MTTP: variants seen among roughly 807,000 people sequenced by gnomAD.
MTTP encodes microsomal triglyceride transfer protein large subunit.
A neutral mutation model predicts 90.6 loss-of-function variants in MTTP; 49 were observed. The observed-to-expected ratio is 0.54, with a 90% CI of 0.43 to 0.69. The LOEUF is 0.69. MTTP is among the 30% of genes least tolerant of loss of function. The pLI, the probability that MTTP is intolerant of heterozygous loss-of-function variation, is 0.00. For synonymous variants in MTTP, 347 were observed against 384.2 expected (o/e 0.90, Z 1.13); for missense variants, 945 against 1,067.5 (o/e 0.89, Z 1.60).
Position 99,587,066 on chromosome 4 carries a change from C to T in MTTP, c.394-2577C>T, listed in dbSNP as rs147530871. 8.8e-3 allele frequency among the ~76,000 whole-genome samples: 1,337 copies of T among 152,278 alleles called. 7 individuals carry two copies. The highest frequency in any genetic ancestry group is 0.014 in the Non-Finnish European group (932 of 68,018). On this transcript the variant is annotated intron_variant, in intron 3 of 17. Coordinates refer to ENST00000265517, the MANE Select transcript of MTTP (RefSeq NM_001386140.1). Reference sequence around the variant, plus strand: ...ACTTTATGGCCTGAGTATAATAAAACTTACTCAGTTCCTGTTGTGAAATAA... The same window carrying T: ...ACTTTATGGCCTGAGTATAATAAAATTTACTCAGTTCCTGTTGTGAAATAA...
intron 1 of MTTP, among the ~76,000 whole-genome samples, chr4:99,578,396 T>C (rs76006141): frequency 0.023 from 3,532 of 152,312 alleles, 108 homozygotes; most frequent in Middle Eastern, 0.1. Context: ...CATGCCCCAA[T>C]GCCCAGTGTT....
chr4:99,580,056 A>G (rs977390828), intron 1 of MTTP, among the ~76,000 whole-genome samples: 7 of 145,766 alleles, frequency 4.8e-5, no homozygotes, highest in Admixed American at 4.8e-4. Context: ...AAAAAAAAAA[A>G]GTAAAGAAAG....
At chr4:99,621,287 T>C in intron 17 of MTTP, 56 bp downstream of exon 17, 1 of 1,573,336 alleles carries the variant, frequency 6.4e-7, no homozygotes, top group Non-Finnish European at 8.7e-7. Context: ...ACCAGGAACT[T>C]GCATTCAGTT....
rs762420748 is a variant in MTTP at position 99,582,010 on chromosome 4, G to A, written c.167G>A (p.Gly56Asp). ...AAAGGAAAACTGCAAGACAGCGTGG[G>A]CTACCGCATTTCCTCCAACGTGGAT... ...RGKGKLQDSV[G>D]YRISSNVDVA... Residue 56 changes from glycine to aspartate, a missense_variant, in exon 2 of 18, where the codon GGC (glycine) becomes GAC (aspartate). Coordinates refer to ENST00000265517, the MANE Select transcript of MTTP (RefSeq NM_001386140.1). The A allele has an allele frequency of 6.2e-7, 1 of 1,614,188 alleles. No individual in the cohort carries two copies. Among genetic ancestry groups the A allele is most frequent in the Non-Finnish European group, 8.5e-7 (1 of 1,180,018 alleles).
chr4:99,611,640 C>G (rs958267538), intron 14 of MTTP, among the ~76,000 whole-genome samples, 187 bp downstream of exon 14: 1 of 152,094 alleles, frequency 6.6e-6, no homozygotes, highest in East Asian at 1.9e-4. Flanking sequence ...GAGAAAGTTT[C>G]GAATTTGAAC....
intron 1 of MTTP, among the ~76,000 whole-genome samples, chr4:99,566,297 GA>G (rs567380343): frequency 1.3e-3 from 157 of 117,536 alleles, no homozygotes; most frequent in Middle Eastern, 5.4e-3. Flanking sequence ...TCAAAAAAAA[GA>G]AAAAAAAAAA....
chr4:99,601,321 C>CTTTTT (rs34811849), intron 9 of MTTP, among the ~76,000 whole-genome samples: 9 of 128,184 alleles, frequency 7.0e-5, no homozygotes, highest in African/African-American at 1.2e-4. Flanking sequence ...CTCACCCCTC[C>CTTTTT]TTTTTTTTTT....
chr4:99,589,756 T>A lies in MTTP; in HGVS notation c.501+6T>A. On this transcript the variant is annotated splice_donor_region_variant and intron_variant, in intron 4 of 17. Coordinates refer to ENST00000265517, the MANE Select transcript of MTTP (RefSeq NM_001386140.1). ...GCTCTGGAACCACCAATGAGGTACT[T>A]ACCAATATTAATAAGGATTCAGCAT... The A allele has an allele frequency of 6.7e-7, 1 of 1,485,966 alleles. No homozygotes were observed. Among genetic ancestry groups the A allele is most frequent in the East Asian group, 2.3e-5 (1 of 44,006 alleles). The allele number at this position is 1,485,966 out of a possible 1,614,324, so 92.0% of individuals were successfully genotyped here. A position where few individuals can be genotyped will look rare whatever the true frequency, so the allele number is the denominator to read the frequency against.
At position 99,581,975 on chromosome 4, in the gene MTTP, T is replaced by G. The variant is rs1725128681; in HGVS notation, c.132T>G (p.Leu44=). The G allele has an allele frequency of 5.0e-6, 8 of 1,614,082 alleles. No individual in the cohort carries two copies. In the South Asian group the frequency reaches 7.7e-5, roughly 16 times the overall value. ...YKLTYSTEVL[L]DRGKGKLQDS... ...TCACGTACTCCACTGAAGTTCTTCT[T>G]GATCGGGGCAAAGGAAAACTGCAAG... is the stretch of plus-strand genomic sequence containing the variant. The change falls in exon 2 of 18, where the codon CTT becomes CTG. Residue 44 remains leucine, a synonymous_variant. Transcript: ENST00000265517.
At chr4:99,603,048 A>C (rs1233376074) in intron 10 of MTTP, among the ~76,000 whole-genome samples, 2 of 152,172 alleles carry the variant, frequency 1.3e-5, no homozygotes, top group East Asian at 1.9e-4. Flanking sequence ...CAATTTTTGC[A>C]CTTAATCTAG....
intron 10 of MTTP, among the ~76,000 whole-genome samples, chr4:99,603,139 A>G (rs187460880): frequency 3.8e-3 from 583 of 152,264 alleles, no homozygotes; most frequent in Non-Finnish European, 6.3e-3. Context: ...AAAAGGCCCA[A>G]AGTCAAAATA....
chr4:99,608,708 C>A, intron 11 of MTTP, 58 bp from the exon 12 acceptor site: 1 of 1,267,770 alleles, frequency 7.9e-7, no homozygotes, highest in Non-Finnish European at 1.2e-6. Context: ...GCTATTCCTG[C>A]TGAAATGTCC....
chr4:99,593,571 A>G (rs933141516), intron 6 of MTTP, among the ~76,000 whole-genome samples: 1 of 152,120 alleles, frequency 6.6e-6, no homozygotes, highest in African/African-American at 2.4e-5. Flanking sequence ...AGTTTCTGTT[A>G]TTTTCAGATT....
At chr4:99,564,186 CG>C in exon 1 of MTTP, 5 of 1,535,480 alleles carry the variant, frequency 3.3e-6, no homozygotes, top group Non-Finnish European at 4.4e-6. Flanking sequence ...TGTTTTTTCC[CG>C]TTCAAGAATT....
chr4:99,621,121 G>A lies in MTTP; in HGVS notation c.2403G>A (p.Leu801=). 6.2e-7 allele frequency: 1 copy of A among 1,614,074 alleles called. No individual in the cohort carries two copies. The highest frequency in any genetic ancestry group is 8.5e-7 in the Non-Finnish European group (1 of 1,179,964). Residue 801 remains leucine (L), a synonymous_variant, in exon 17 of 18, where the codon CTG becomes CTA. Transcript: ENST00000265517. ...TVDSSFVKAG[L]ETSTETEAGL... is the part of the protein sequence containing the mutation. ...ACTCCTCTTTTGTGAAAGCTGGCCT[G>A]GAAACCAGTACAGAAACAGAAGCAG...
Position 99,594,778 on chromosome 4 carries a change from G to A in MTTP, c.804G>A (p.Met268Ile), listed in dbSNP as rs1725511940. The change falls in exon 7 of 18, where the codon ATG (methionine) becomes ATA (isoleucine). Residue 268 changes from methionine (M) to isoleucine (I), a missense_variant. Coordinates refer to ENST00000265517, the MANE Select transcript of MTTP (RefSeq NM_001386140.1). The stretch of plus-strand genomic sequence containing the variant: ...CAACCGAAGCAGGCCCAAGATTGAT[G>A]TCTGGAAAGCAGGCTGCAGCCATAA... ...LKTTEAGPRL[M>I]SGKQAAAIIK... The A allele has an allele frequency of 6.2e-7, 1 of 1,613,920 alleles. No individual in the cohort carries two copies. Among genetic ancestry groups the A allele is most frequent in the South Asian group, 1.1e-5 (1 of 91,094 alleles).
intron 15 of MTTP, among the ~76,000 whole-genome samples, chr4:99,618,676 C>T (rs1342229046): frequency 6.6e-6 from 1 of 152,198 alleles, no homozygotes; most frequent in East Asian, 1.9e-4. Context: ...CACAGAAACA[C>T]ACTTTGAGAA....
intron 14 of MTTP, among the ~76,000 whole-genome samples, chr4:99,612,247 T>C (rs528904425): frequency 3.3e-5 from 5 of 152,288 alleles, no homozygotes; most frequent in Non-Finnish European, 5.9e-5. Context: ...TTTTCTGATA[T>C]GTACTTTGAA....
chr4:99,598,246 TAATTACAGCATGTTA>T (rs1218677068), intron 8 of MTTP, among the ~76,000 whole-genome samples: 6 of 152,214 alleles, frequency 3.9e-5, no homozygotes, highest in African/African-American at 1.4e-4. Context: ...GGCTCTGTTT[TAATTACAGCATGTTA>T]AAATATATTG....
Sources: allele counts gnomAD v4.1 joint callset (sites outside exome capture counted in the v4.1 genomes callset), GRCh38; gene constraint gnomAD v4.1.1; transcripts MANE v1.5; gene names NCBI Gene and HGNC (gene_info 2026-07-23, HGNC 2026-07-21).